The following THADA variants were observed in gnomAD, a reference collection of about 807,000 sequenced individuals.
THADA encodes the protein THADA armadillo repeat containing, also known as tRNA (32-2'-O)-methyltransferase regulator THADA.
A neutral mutation model predicts 219.8 loss-of-function variants in THADA; 213 were observed. That is an observed-to-expected ratio of 0.97 (90% CI 0.87 to 1.09). The LOEUF (loss-of-function observed/expected upper bound fraction) is 1.09. THADA is among the 50% of genes least tolerant of loss of function. THADA has a pLI of 0.00. For missense variants in THADA, 2,956 were observed against 2,311.3 expected (o/e 1.28, Z -5.72); for synonymous variants, 1,018 against 828.9 (o/e 1.23, Z -3.92).
At position 43,232,743 on chromosome 2, in the gene THADA, G is replaced by A. The variant is rs1273903162; in HGVS notation, c.5436C>T (p.Asp1812=). The A allele has an allele frequency of 6.2e-7, 1 of 1,613,834 alleles. No homozygotes were observed. Among genetic ancestry groups the A allele is most frequent in the Non-Finnish European group, 8.5e-7 (1 of 1,179,886 alleles). The part of the protein sequence containing the change: ...LLGWLLGESD[D]LVACVESMHQ... ...GCATGCTCTCCACACAGGCCACGAGGTCATCACTCTCTCCCAACAGCCATC... is the reference window on the plus strand; with the variant it reads ...GCATGCTCTCCACACAGGCCACGAGATCATCACTCTCTCCCAACAGCCATC... The change falls in exon 37 of 38, where the codon GAC becomes GAT. Residue 1812 remains aspartate, a synonymous_variant. Coordinates refer to ENST00000405975, the MANE Select transcript of THADA (RefSeq NM_022065.5).
At chr2:43,232,926 G>A (rs377677204) in intron 36 of THADA, 44 bp from the exon 37 acceptor site, 1 of 1,557,564 alleles carries the variant, frequency 6.4e-7, no homozygotes, top group Non-Finnish European at 8.7e-7. Context: ...TACTGCTCAG[G>A]GCCGACCCCA....
chr2:43,578,695 C>A, intron 8 of THADA, 88 bp from the exon 9 acceptor site: 1 of 865,264 alleles, frequency 1.2e-6, no homozygotes, highest in Non-Finnish European at 1.7e-6. Context: ...GCCAGATAGG[C>A]CTGGGTACAA....
chr2:43,325,356 T>A (rs1261627421), intron 30 of THADA, among the ~76,000 whole-genome samples: 1 of 152,102 alleles, frequency 6.6e-6, no homozygotes, highest in Non-Finnish European at 1.5e-5. Context: ...AGGAAACATT[T>A]ATTAAGAGGC....
Position 43,570,405 on chromosome 2 carries a change from A to C in THADA, c.2170T>G (p.Ser724Ala). 1 of 1,612,426 alleles carries C rather than the reference A, an allele frequency of 6.2e-7. No homozygotes were observed. Among genetic ancestry groups the C allele is most frequent in the Non-Finnish European group, 8.5e-7 (1 of 1,179,434 alleles). The change falls in exon 14 of 38, where the codon TCT (serine) becomes GCT (alanine). Residue 724 changes from serine to alanine, a missense_variant. Ser to Ala is a moderately conservative substitution (Grantham distance 99, BLOSUM62 1). Coordinates refer to ENST00000405975, the MANE Select transcript of THADA (RefSeq NM_022065.5). ...NELTKQHPSVSLQQYKNFMSS... is the reference protein window; with the variant it reads ...NELTKQHPSVALQQYKNFMSS... Reference sequence around the variant, plus strand: ...TCACCTACCTTATACTGCTGTAAAGAAACAGAAGGGTGCTGTTTGGTTAAC... The same window carrying C: ...TCACCTACCTTATACTGCTGTAAAGCAACAGAAGGGTGCTGTTTGGTTAAC...
intron 29 of THADA, among the ~76,000 whole-genome samples, chr2:43,395,055 G>C (rs1031743110): frequency 3.9e-5 from 6 of 152,218 alleles, no homozygotes; most frequent in Non-Finnish European, 8.8e-5. Context: ...TGGGCAGACT[G>C]GTGAAACCCA....
At chr2:43,515,094 ATTATATATAATATATT>A (rs1174819412) in intron 22 of THADA, among the ~76,000 whole-genome samples, 5 of 34,576 alleles carry the variant, frequency 1.4e-4, no homozygotes, top group East Asian at 1.8e-3. Flanking sequence ...AAATATATAT[ATTATATATAATATATT>A]TTATATATAA....
Position 43,578,623 on chromosome 2 carries a change from G to C in THADA, c.722-16C>G. ...AACAGATCATCTATTTGGCAAAAAA[G>C]GAGAGAAGCTTGTGTTAAATAATGA... On this transcript the variant is annotated splice_polypyrimidine_tract_variant and intron_variant, in intron 8 of 37. Coordinates refer to ENST00000405975, the MANE Select transcript of THADA (RefSeq NM_022065.5). 3 of 1,548,656 alleles carry C rather than the reference G, an allele frequency of 1.9e-6. No homozygotes were observed. The South Asian group carries it at 3.5e-5, about 18-fold the overall frequency.
At chr2:43,455,748 A>T (rs1419984839) in intron 26 of THADA, among the ~76,000 whole-genome samples, 1 of 152,234 alleles carries the variant, frequency 6.6e-6, no homozygotes, top group Non-Finnish European at 1.5e-5. Flanking sequence ...GCTTTCCACT[A>T]TGTAAATCTG....
chr2:43,371,553 G>A (rs1414179011), intron 29 of THADA, among the ~76,000 whole-genome samples: 2 of 152,054 alleles, frequency 1.3e-5, no homozygotes. Flanking sequence ...GTAAGAAAGT[G>A]CTCTTATAAA....
At chr2:43,571,174 T>C (rs1056884492) in intron 13 of THADA, among the ~76,000 whole-genome samples, 3 of 151,952 alleles carry the variant, frequency 2.0e-5, no homozygotes, top group African/African-American at 7.2e-5. Flanking sequence ...AAGAATCGCT[T>C]GAGCCTGGGA....
Position 43,379,140 on chromosome 2 carries a change from T to C in THADA, c.4227+18831A>G, listed in dbSNP as rs143181165. Among the ~76,000 whole-genome samples, 17 of 152,220 alleles carry C rather than the reference T, an allele frequency of 1.1e-4. No homozygotes were observed. The East Asian group carries it at 3.1e-3, about 28-fold the overall frequency. ...AGGTAGGTCCAGTAGACAATAATAA[T>C]GTGGAAGACAGGAAAAGCAAACTCA... is the stretch of plus-strand genomic sequence containing the variant. On this transcript the variant is annotated intron_variant, in intron 29 of 37. Transcript: ENST00000405975.
chr2:43,523,086 C>G (rs1558906783), intron 22 of THADA, among the ~76,000 whole-genome samples: 1 of 152,028 alleles, frequency 6.6e-6, no homozygotes, highest in Non-Finnish European at 1.5e-5. Flanking sequence ...AAAGTTTAGG[C>G]TGGGCGCGGT....
rs140316866 is a variant in THADA, at chr2:43,593,944, G to A, written c.-24-1528C>T. Among the ~76,000 whole-genome samples the A allele has an allele frequency of 5.2e-3, 796 of 152,182 alleles. 6 individuals carry two copies. The highest frequency in any genetic ancestry group is 0.016 in the African/African-American group (671 of 41,532). The stretch of plus-strand genomic sequence containing the variant: ...CACCGCGCCCAGCCTTAGACTTCTT[G>A]TCTTGCTATTAGATTAGTAAAAGTC... On this transcript the variant is annotated intron_variant, in intron 1 of 37. Coordinates refer to ENST00000405975, the MANE Select transcript of THADA (RefSeq NM_022065.5).
intron 24 of THADA, among the ~76,000 whole-genome samples, chr2:43,503,803 C>T (rs1300698841): frequency 2.0e-5 from 3 of 152,078 alleles, no homozygotes; most frequent in Non-Finnish European, 4.4e-5. Context: ...AAAATGATCA[C>T]TAAAATGCCA....
chr2:43,446,650 A>G (rs1424313195), intron 26 of THADA, among the ~76,000 whole-genome samples: 1 of 152,232 alleles, frequency 6.6e-6, no homozygotes, highest in East Asian at 1.9e-4. Context: ...AATTGTGAGA[A>G]ATGATAAATT....
At position 43,485,199 on chromosome 2, in the gene THADA, T is replaced by TAAA. The variant is rs772162298; in HGVS notation, c.3836+32_3836+34dup. 3.3e-6 allele frequency: 5 copies of TAAA among 1,536,042 alleles called. No homozygotes were observed. The South Asian group carries it at 5.7e-5, about 17-fold the overall frequency. ...TTGGCCAGGACAATATTGTATTTTT[T>TAAA]AAAAAAAGTAAAGTTAGCCTTAAAT... On this transcript the variant is annotated intron_variant, in intron 26 of 37. Transcript: ENST00000405975.
intron 26 of THADA, among the ~76,000 whole-genome samples, chr2:43,446,829 T>C (rs1206906265): frequency 1.3e-5 from 2 of 152,186 alleles, no homozygotes; most frequent in African/African-American, 4.8e-5. Context: ...GATTCTCTCA[T>C]AGTTCTAGAA....
chr2:43,264,874 A>AATGGTGGTGACAG (rs1671347119), intron 36 of THADA, among the ~76,000 whole-genome samples: 1 of 152,194 alleles, frequency 6.6e-6, no homozygotes, highest in South Asian at 2.1e-4. Context: ...ATTTCCAGCA[A>AATGGTGGTGACAG]ATGGTGGTGA....
chr2:43,267,331 T>C (rs771536143), intron 36 of THADA, among the ~76,000 whole-genome samples: 10 of 151,580 alleles, frequency 6.6e-5, no homozygotes, highest in Non-Finnish European at 1.5e-4. Context: ...AAGCAGATGC[T>C]CTATCTAATT....
Sources: allele counts gnomAD v4.1 joint callset (sites outside exome capture counted in the v4.1 genomes callset), GRCh38; gene constraint gnomAD v4.1.1; transcripts MANE v1.5; gene names NCBI Gene and HGNC (gene_info 2026-07-23, HGNC 2026-07-21).